GRM4: variants seen among roughly 807,000 people sequenced by gnomAD.
GRM4 encodes metabotropic glutamate receptor 4.
Under a neutral mutation model 81.7 loss-of-function variants are expected in GRM4, and 28 were observed. The ratio of observed to expected loss-of-function variants is 0.34; its 90% confidence interval spans 0.25 to 0.47. The LOEUF (loss-of-function observed/expected upper bound fraction) is 0.47. Ranked by LOEUF, GRM4 falls within the 20% of genes least tolerant of loss-of-function variation. The pLI is 1.00. For synonymous variants in GRM4, 488 were observed against 528.8 expected (o/e 0.92, Z 1.06); for missense variants, 948 against 1,290.0 (o/e 0.73, Z 4.06).
Position 34,035,905 on chromosome 6 carries a change from G to A in GRM4, c.2205C>T (p.Leu735=), listed in dbSNP as rs150639507. The change falls in exon 9 of 11, where the codon CTC becomes CTT. Residue 735 remains leucine (L), a synonymous_variant. Transcript: ENST00000538487. The surrounding 1 kb of genome is among the most constrained non-coding windows in gnomAD (Gnocchi z 6.6). Reference sequence around the variant, plus strand: ...GCACACCCCTGGCGAAGCGGGGGTCGAGTGTCCGCTGGTCCTGGAAGTCCA... The same window carrying A: ...GCACACCCCTGGCGAAGCGGGGGTCAAGTGTCCGCTGGTCCTGGAAGTCCA... ...SVVDFQDQRT[L]DPRFARGVLK... The A allele has an allele frequency of 3.2e-4, 517 of 1,608,326 alleles. 1 individual carries two copies. In the African/African-American group the frequency reaches 5.5e-3, roughly 17 times the overall value.
At chr6:34,132,348 T>G (rs1248959592) in intron 2 of GRM4, among the ~76,000 whole-genome samples, 1 of 152,124 alleles carries the variant, frequency 6.6e-6, no homozygotes, top group Non-Finnish European at 1.5e-5. Flanking sequence ...CTCTGCAGGC[T>G]CAGCAGCCCC....
At chr6:34,040,519 G>T (rs1488174001) in intron 7 of GRM4, 29 bp downstream of exon 7, 1 of 1,592,404 alleles carries the variant, frequency 6.3e-7, no homozygotes, top group Non-Finnish European at 8.6e-7. Flanking sequence ...GATACCCAGG[G>T]TCAGGCACAG....
intron 2 of GRM4, among the ~76,000 whole-genome samples, chr6:34,100,698 C>T (rs1446587579): frequency 6.6e-6 from 1 of 152,258 alleles, no homozygotes; most frequent in African/African-American, 2.4e-5. Flanking sequence ...GGGTGCTGGG[C>T]AAGGGCCATC....
At position 34,047,723 on chromosome 6, in the gene GRM4, G is replaced by A. The variant is rs997533328; in HGVS notation, c.1169-6975C>T. 2.6e-5 allele frequency among the ~76,000 whole-genome samples: 4 copies of A among 152,092 alleles called. No homozygotes were observed. Among genetic ancestry groups the A allele is most frequent in the Non-Finnish European group, 5.9e-5 (4 of 68,026 alleles). ...AGTGAATGATGCATCCAGGTGTTTC[G>A]AGGGCTTAGTGGTTGGGCCAAAAGG... is the stretch of plus-strand genomic sequence containing the variant. On this transcript the variant is annotated intron_variant, in intron 6 of 10. Coordinates refer to ENST00000538487, the MANE Select transcript of GRM4 (RefSeq NM_000841.4). This position sits in a 1 kb window ranked among gnomAD's most constrained non-coding sequence, Gnocchi z 4.5.
rs1286838298 is a variant in GRM4, at chr6:34,078,631, G to A, written c.736+13252C>T. 1.3e-5 allele frequency among the ~76,000 whole-genome samples: 2 copies of A among 152,058 alleles called. No individual in the cohort carries two copies. Among genetic ancestry groups the A allele is most frequent in the Admixed American group, 6.5e-5 (1 of 15,276 alleles). On this transcript the variant is annotated intron_variant, in intron 3 of 10. Transcript: ENST00000538487. This position sits in a 1 kb window ranked among gnomAD's most constrained non-coding sequence, Gnocchi z 4.8. ...GTGGGCATGGAGGCTCAGGGAGATG[G>A]TCACAGGGCCTCCACTGTCCCCTGT...
chr6:34,139,754 A>T (rs1770601468), intron 1 of GRM4, among the ~76,000 whole-genome samples: 1 of 152,262 alleles, frequency 6.6e-6, no homozygotes, highest in African/African-American at 2.4e-5. Flanking sequence ...GATCTGCAGC[A>T]GTGCGCCCGG....
At chr6:34,079,822 AC>A (rs541141760) in intron 3 of GRM4, among the ~76,000 whole-genome samples, 65 of 151,138 alleles carry the variant, frequency 4.3e-4, no homozygotes, top group Non-Finnish European at 5.5e-4. Flanking sequence ...CCTTCTTACC[AC>A]CCCCACCCTT....
At chr6:34,040,448 G>A in intron 7 of GRM4, 100 bp downstream of exon 7, 1 of 1,418,048 alleles carries the variant, frequency 7.1e-7, no homozygotes, top group Non-Finnish European at 9.8e-7. Flanking sequence ...GAAACATCAG[G>A]AGAGGCCTCC....
In GRM4 at chr6:34,069,167, T is replaced by C. The variant is rs866218541; in HGVS notation, c.737-7139A>G. 9.7e-5 allele frequency among the ~76,000 whole-genome samples: 13 copies of C among 134,606 alleles called. No individual in the cohort carries two copies. The highest frequency in any genetic ancestry group is 1.3e-4 in the Non-Finnish European group (8 of 63,970). The allele number at this position is 134,606 out of a possible 152,430, so 88.3% of individuals were successfully genotyped here. ...CTACCCCTGGACCCTCATGGGCGTATACACACACACACACACACACACACA... is the reference window on the plus strand; with the variant it reads ...CTACCCCTGGACCCTCATGGGCGTACACACACACACACACACACACACACA... On this transcript the variant is annotated intron_variant, in intron 3 of 10. Coordinates refer to ENST00000538487, the MANE Select transcript of GRM4 (RefSeq NM_000841.4). The surrounding 1 kb of genome is among the most constrained non-coding windows in gnomAD (Gnocchi z 6.4).
chr6:34,033,201 G>T (rs998073626), intron 9 of GRM4, among the ~76,000 whole-genome samples: 2 of 152,148 alleles, frequency 1.3e-5, no homozygotes, highest in Non-Finnish European at 2.9e-5. Context: ...TTGCAAGGTG[G>T]GATCCCCCTG....
chr6:34,102,505 A>T (rs1318381270), intron 2 of GRM4, among the ~76,000 whole-genome samples: 10 of 151,466 alleles, frequency 6.6e-5, no homozygotes, highest in Admixed American at 6.6e-4. Context: ...GCTCCCTCTC[A>T]TCCCTCACTT....
intron 3 of GRM4, among the ~76,000 whole-genome samples, chr6:34,091,284 A>G (rs1768193533): frequency 6.6e-6 from 1 of 152,214 alleles, no homozygotes; most frequent in South Asian, 2.1e-4. Flanking sequence ...GAGGACAGCA[A>G]TTTAAGGCAA....
rs1304999599 is a variant in GRM4 at position 34,121,003 on chromosome 6, A to G, written c.519+11975T>C. ...ATTATATTATCCTCTATAATTTTCCATATGTTTTAAATCATTTATTAAGAT... is the reference window on the plus strand; with the variant it reads ...ATTATATTATCCTCTATAATTTTCCGTATGTTTTAAATCATTTATTAAGAT... On this transcript the variant is annotated intron_variant, in intron 2 of 10. Transcript: ENST00000538487. The surrounding 1 kb of genome is among the most constrained non-coding windows in gnomAD (Gnocchi z 4.6). 6.6e-6 allele frequency among the ~76,000 whole-genome samples: 1 copy of G among 152,128 alleles called. No individual in the cohort carries two copies. Among genetic ancestry groups the G allele is most frequent in the Non-Finnish European group, 1.5e-5 (1 of 68,034 alleles).
chr6:34,112,043 C>A (rs945037098), intron 2 of GRM4, among the ~76,000 whole-genome samples: 3 of 152,102 alleles, frequency 2.0e-5, no homozygotes, highest in Non-Finnish European at 2.9e-5. Flanking sequence ...GACATGATCA[C>A]TCCTGGAAAG....
At chr6:34,053,776 T>G (rs1006678154) in intron 6 of GRM4, among the ~76,000 whole-genome samples, 1 of 152,210 alleles carries the variant, frequency 6.6e-6, no homozygotes, top group Admixed American at 6.5e-5. Context: ...AACCGGAATG[T>G]CTAGGGTAAC....
chr6:34,079,170 C>T (rs898225022), intron 3 of GRM4, among the ~76,000 whole-genome samples: 1 of 152,180 alleles, frequency 6.6e-6, no homozygotes, highest in Non-Finnish European at 1.5e-5. Flanking sequence ...TCCAGCAGGC[C>T]GGGGAAAGCG....
intron 6 of GRM4, among the ~76,000 whole-genome samples, chr6:34,044,857 C>T (rs1765278061): frequency 7.3e-6 from 1 of 136,148 alleles, no homozygotes. Context: ...CATAGACACA[C>T]ACACAGACAT....
chr6:34,123,960 G>T (rs1342969689), intron 2 of GRM4, among the ~76,000 whole-genome samples: 2 of 152,190 alleles, frequency 1.3e-5, no homozygotes, highest in African/African-American at 4.8e-5. Context: ...GAAGGCCCGA[G>T]TGTGCAAAAG....
At chr6:34,088,805 G>C in intron 3 of GRM4, among the ~76,000 whole-genome samples, 1 of 152,184 alleles carries the variant, frequency 6.6e-6, no homozygotes, top group East Asian at 1.9e-4. Flanking sequence ...ATAGTCACAG[G>C]GGGTGTCTGG....
Sources: allele counts gnomAD v4.1 joint callset (sites outside exome capture counted in the v4.1 genomes callset), GRCh38; gene constraint gnomAD v4.1.1; non-coding constraint Gnocchi (gnomAD v3.1); transcripts MANE v1.5; gene names NCBI Gene and HGNC (gene_info 2026-07-23, HGNC 2026-07-21).